Variants in PXT1 observed in about 807,000 individuals in gnomAD.
PXT1 encodes peroxisomal testis-specific protein 1.
PXT1 carries 11 observed loss-of-function variants against 11.0 expected under a neutral mutation model. The observed-to-expected ratio is 1.00, with a 90% CI of 0.63 to 1.66. PXT1 has a LOEUF of 1.66. PXT1 is among the 40% of genes most tolerant of loss of function. The pLI, the probability that PXT1 is intolerant of heterozygous loss-of-function variation, is 0.00. For synonymous variants in PXT1, 43 were observed against 51.4 expected, an observed-to-expected ratio of 0.84 and a Z score of 0.70; for missense variants, 141 against 155.5, an observed-to-expected ratio of 0.91 and a Z score of 0.49.
At chr6:36,392,065 C>T (rs192608007) in intron 4 of PXT1, 191 bp from the exon 5 acceptor site, 99 of 517,642 alleles carry the variant, frequency 1.9e-4, no homozygotes, top group African/African-American at 9.3e-4. Context: ...ATCCTCACAA[C>T]GCCTCTGGAC....
chr6:36,391,635 G>T lies in PXT1; in HGVS notation c.*135C>A. 2.8e-6 allele frequency: 2 copies of T among 706,490 alleles called. No homozygotes were observed. Among genetic ancestry groups the T allele is most frequent in the Non-Finnish European group, 2.5e-6 (1 of 394,608 alleles). 43.8% of individuals were successfully genotyped at this position (706,490 alleles called of 1,614,324 possible). On this transcript the variant is annotated 3_prime_UTR_variant, in exon 5 of 5. Transcript: ENST00000454782. ...GAACCCGCAGTTCTTCAACAAACTG[G>T]GTGTAGACCAACAGTGATGGGTACA...
chr6:36,399,579 T>C (rs1367707127), intron 4 of PXT1, among the ~76,000 whole-genome samples: 1 of 152,178 alleles, frequency 6.6e-6, no homozygotes, highest in Non-Finnish European at 1.5e-5. Flanking sequence ...GCACTCCCTG[T>C]GGCATGCATG....
At chr6:36,434,350 A>G (rs1385896206) in intron 2 of PXT1, among the ~76,000 whole-genome samples, 1 of 152,182 alleles carries the variant, frequency 6.6e-6, no homozygotes, top group Non-Finnish European at 1.5e-5. Flanking sequence ...ATTGCATCTA[A>G]GTAATGGGTA....
At chr6:36,429,457 T>C in intron 2 of PXT1, among the ~76,000 whole-genome samples, 2 of 147,422 alleles carry the variant, frequency 1.4e-5, no homozygotes, top group Non-Finnish European at 3.0e-5. Context: ...ATCTTGTCAT[T>C]ATTATTATTA....
intron 3 of PXT1, among the ~76,000 whole-genome samples, chr6:36,413,422 AAAT>A (rs1455201215): frequency 8.5e-6 from 1 of 117,190 alleles, no homozygotes. Context: ...ATCTCAAAAA[AAAT>A]AAGAAAGAAA....
At chr6:36,440,722 C>G (rs1426141522) in intron 1 of PXT1, among the ~76,000 whole-genome samples, 1 of 152,064 alleles carries the variant, frequency 6.6e-6, no homozygotes. Flanking sequence ...TTTCTCATAT[C>G]CCGTCTCCTT....
intron 3 of PXT1, among the ~76,000 whole-genome samples, chr6:36,418,593 A>G (rs1227302939): frequency 1.3e-5 from 2 of 152,230 alleles, no homozygotes; most frequent in Admixed American, 6.5e-5. Context: ...CAGTATACAA[A>G]TCCACACTTT....
At chr6:36,400,382 C>T (rs1774195991) in intron 4 of PXT1, 72 bp downstream of exon 4, 1 of 1,559,870 alleles carries the variant, frequency 6.4e-7, no homozygotes, top group South Asian at 1.1e-5. Context: ...ATCTCAGACA[C>T]TTGGCAGCCG....
In PXT1 at chr6:36,428,620, A is replaced by G. The variant is rs1196345575; in HGVS notation, c.-9-2529T>C. Among the ~76,000 whole-genome samples, 3 of 152,200 alleles carry G rather than the reference A, an allele frequency of 2.0e-5. No homozygotes were observed. The East Asian group carries it at 5.8e-4, about 29-fold the overall frequency. ...TAACCACAGCCTTTTAAATTAAACTATCAAGAATGTTGGATTTTATTTTTC... is the reference window on the plus strand; with the variant it reads ...TAACCACAGCCTTTTAAATTAAACTGTCAAGAATGTTGGATTTTATTTTTC... On this transcript the variant is annotated intron_variant, in intron 2 of 4. Coordinates refer to ENST00000454782, the MANE Select transcript of PXT1 (RefSeq NM_152990.4).
chr6:36,397,081 G>C (rs560172889), intron 4 of PXT1, among the ~76,000 whole-genome samples: 2 of 152,210 alleles, frequency 1.3e-5, no homozygotes, highest in Non-Finnish European at 2.9e-5. Context: ...CTGAGCTGTT[G>C]TAACACTCAA....
At chr6:36,434,065 T>A (rs1284842579) in intron 2 of PXT1, among the ~76,000 whole-genome samples, 1 of 151,518 alleles carries the variant, frequency 6.6e-6, no homozygotes, top group Non-Finnish European at 1.5e-5. Context: ...TTTTTCATAA[T>A]AAATAGCCAT....
At chr6:36,427,580 TG>T (rs1198657226) in intron 2 of PXT1, among the ~76,000 whole-genome samples, 4 of 152,152 alleles carry the variant, frequency 2.6e-5, no homozygotes, top group African/African-American at 9.7e-5. Flanking sequence ...TAAAAAGAAA[TG>T]AGTAAAATTA....
At chr6:36,439,658 A>C (rs901212973) in intron 1 of PXT1, among the ~76,000 whole-genome samples, 17 of 149,598 alleles carry the variant, frequency 1.1e-4, no homozygotes, top group East Asian at 6.1e-4. Context: ...AAAAAAAAAA[A>C]AAAACAACTA....
chr6:36,395,395 G>T (rs1300088840), intron 4 of PXT1, among the ~76,000 whole-genome samples: 2 of 151,414 alleles, frequency 1.3e-5, no homozygotes, highest in East Asian at 3.9e-4. Flanking sequence ...GACTATATAG[G>T]AAAGAAAGTT....
At chr6:36,424,212 C>T (rs1582266504) in intron 3 of PXT1, among the ~76,000 whole-genome samples, 1 of 152,118 alleles carries the variant, frequency 6.6e-6, no homozygotes, top group African/African-American at 2.4e-5. Flanking sequence ...ACCCTCTGTC[C>T]GTACACTTTA....
intron 3 of PXT1, among the ~76,000 whole-genome samples, chr6:36,417,534 C>T (rs995795781): frequency 2.1e-5 from 3 of 141,702 alleles, no homozygotes; most frequent in Non-Finnish European, 4.5e-5. Context: ...GCAGGAGGAT[C>T]GCTTGAGCCC....
chr6:36,398,134 T>A (rs1774169304), intron 4 of PXT1, among the ~76,000 whole-genome samples: 2 of 152,158 alleles, frequency 1.3e-5, no homozygotes, highest in Non-Finnish European at 2.9e-5. Context: ...AAGATGCACA[T>A]TATTCATCAG....
At chr6:36,436,337 CA>C (rs1582275784) in intron 2 of PXT1, among the ~76,000 whole-genome samples, 2 of 152,090 alleles carry the variant, frequency 1.3e-5, no homozygotes, top group African/African-American at 4.8e-5. Context: ...TGGAAGCAGG[CA>C]AGAGACCACT....
In PXT1 at chr6:36,417,634, G is replaced by A. The variant is rs192473496; in HGVS notation, c.169+8280C>T. On this transcript the variant is annotated intron_variant, in intron 3 of 4. Coordinates refer to ENST00000454782, the MANE Select transcript of PXT1 (RefSeq NM_152990.4). ...AATCAAAAACTTAGCCGGGCGTGGT[G>A]GTGTACGCCTGCAGTCCTAGCTACT... Among the ~76,000 whole-genome samples the A allele has an allele frequency of 8.6e-5, 13 of 151,210 alleles. No homozygotes were observed. In the East Asian group the frequency reaches 1.9e-3, roughly 23 times the overall value.
Sources: gnomAD v4.1 joint callset for allele counts (sites outside exome capture counted in the v4.1 genomes callset) on GRCh38, gnomAD v4.1.1 for gene constraint, MANE v1.5 for transcripts, NCBI Gene and HGNC (gene_info 2026-07-23, HGNC 2026-07-21) for gene names.